The following ARSB variants were observed in gnomAD, a reference collection of about 807,000 sequenced individuals.
ARSB encodes the protein arylsulfatase B.
In ARSB, 41 loss-of-function variants were observed where a neutral mutation model predicts 50.9. That is an observed-to-expected ratio of 0.81 (90% CI 0.63 to 1.04). ARSB has a LOEUF of 1.04. ARSB is among the 50% of genes least tolerant of loss of function. The pLI is 0.00. For missense variants in ARSB, 672 were observed against 693.3 expected (o/e 0.97, Z 0.35); for synonymous variants, 269 against 284.8 (o/e 0.94, Z 0.56).
chr5:78,791,258 T>G (rs556211215), intron 6 of ARSB, among the ~76,000 whole-genome samples: 20 of 152,376 alleles, frequency 1.3e-4, no homozygotes, highest in African/African-American at 4.3e-4. Flanking sequence ...ATGTTTTTAA[T>G]GTACAGGCAA....
chr5:78,908,399 G>A (rs1749160290), intron 4 of ARSB, among the ~76,000 whole-genome samples: 1 of 94,720 alleles, frequency 1.1e-5, no homozygotes, highest in African/African-American at 3.4e-5. Context: ...GGATACAGCT[G>A]GGAAAGATTT....
intron 4 of ARSB, among the ~76,000 whole-genome samples, chr5:78,926,647 C>G (rs570891702): frequency 1.3e-5 from 2 of 152,340 alleles, no homozygotes; most frequent in African/African-American, 4.8e-5. Flanking sequence ...TAAACAGACA[C>G]AGCTTTTGCC....
At chr5:78,802,877 T>G (rs1463511147) in intron 6 of ARSB, among the ~76,000 whole-genome samples, 1 of 152,226 alleles carries the variant, frequency 6.6e-6, no homozygotes, top group Non-Finnish European at 1.5e-5. Flanking sequence ...TCAAAGTCTT[T>G]AAATTTGTGG....
At chr5:78,880,196 T>C (rs1747684804) in intron 5 of ARSB, among the ~76,000 whole-genome samples, 1 of 152,204 alleles carries the variant, frequency 6.6e-6, no homozygotes, top group African/African-American at 2.4e-5. Context: ...CCAATTTCTC[T>C]GCAGTCAGAA....
rs532865044 is a variant in ARSB, at chr5:78,925,816, C to G, written c.898+29479G>C. ...TTCCCTGTGTTTATTTCCCGATTTA[C>G]AAAACGGTGATAATTATTTCTAACC... On this transcript the variant is annotated intron_variant, in intron 4 of 7. Coordinates refer to ENST00000264914, the MANE Select transcript of ARSB (RefSeq NM_000046.5). 2.6e-5 allele frequency among the ~76,000 whole-genome samples: 4 copies of G among 152,224 alleles called. No homozygotes were observed. In the East Asian group the frequency reaches 7.7e-4, roughly 29 times the overall value.
At chr5:78,952,753 C>T (rs898101712) in intron 4 of ARSB, among the ~76,000 whole-genome samples, 22 of 152,194 alleles carry the variant, frequency 1.4e-4, no homozygotes. Context: ...ACGTACAATA[C>T]ATTAATCCAT....
intron 6 of ARSB, among the ~76,000 whole-genome samples, chr5:78,837,268 T>C (rs933173240): frequency 2.0e-5 from 3 of 152,216 alleles, no homozygotes; most frequent in African/African-American, 7.2e-5. Flanking sequence ...ATATTCCACA[T>C]ATCCCCTAGA....
chr5:78,865,461 T>G (rs2112119076), intron 5 of ARSB, among the ~76,000 whole-genome samples: 1 of 152,214 alleles, frequency 6.6e-6, no homozygotes, highest in African/African-American at 2.4e-5. Context: ...CTGAAACCAC[T>G]TTTTGCTCCT....
chr5:78,788,968 T>C (rs980541788), intron 6 of ARSB, among the ~76,000 whole-genome samples: 7 of 152,100 alleles, frequency 4.6e-5, no homozygotes, highest in Non-Finnish European at 8.8e-5. Flanking sequence ...ATGGCTAATA[T>C]ATATAGTTTG....
intron 6 of ARSB, among the ~76,000 whole-genome samples, chr5:78,794,131 T>A (rs901796170): frequency 3.3e-5 from 5 of 152,174 alleles, no homozygotes; most frequent in Non-Finnish European, 5.9e-5. Context: ...GGAATCAATC[T>A]CATCCTGTAG....
At chr5:78,782,432 T>C (rs997173215) in intron 6 of ARSB, among the ~76,000 whole-genome samples, 1 of 152,226 alleles carries the variant, frequency 6.6e-6, no homozygotes, top group Non-Finnish European at 1.5e-5. Flanking sequence ...CATGCCATGA[T>C]AGAGTACAAA....
At chr5:78,852,885 C>T (rs1353081093) in intron 5 of ARSB, among the ~76,000 whole-genome samples, 6 of 152,130 alleles carry the variant, frequency 3.9e-5, no homozygotes, top group Non-Finnish European at 7.4e-5. Context: ...ATGTAGTTCT[C>T]GAGCCTTGGC....
intron 6 of ARSB, among the ~76,000 whole-genome samples, chr5:78,837,709 G>C (rs1468686433): frequency 2.6e-5 from 4 of 152,030 alleles, no homozygotes; most frequent in Non-Finnish European, 5.9e-5. Flanking sequence ...ATAATACATA[G>C]GTGTACTAAG....
intron 4 of ARSB, among the ~76,000 whole-genome samples, chr5:78,923,829 T>A (rs1749933745): frequency 6.6e-6 from 1 of 152,214 alleles, no homozygotes; most frequent in African/African-American, 2.4e-5. Flanking sequence ...ACTGACAGCT[T>A]CATGTTGAGT....
intron 6 of ARSB, among the ~76,000 whole-genome samples, chr5:78,794,659 G>A (rs149579212): frequency 4.5e-4 from 68 of 152,282 alleles, no homozygotes; most frequent in African/African-American, 1.6e-3. Context: ...CAGGATATTC[G>A]GGGAGTATTT....
chr5:78,842,258 T>A (rs1370448148), intron 5 of ARSB, among the ~76,000 whole-genome samples: 1 of 152,054 alleles, frequency 6.6e-6, no homozygotes, highest in Non-Finnish European at 1.5e-5. Context: ...GAAACGGAGC[T>A]TGTCGGAAGG....
At chr5:78,871,171 C>G (rs944369860) in intron 5 of ARSB, among the ~76,000 whole-genome samples, 2 of 150,648 alleles carry the variant, frequency 1.3e-5, no homozygotes, top group East Asian at 2.0e-4. Context: ...AAAGAGGATA[C>G]AAACAAATGG....
chr5:78,836,059 T>C (rs1303631705), intron 6 of ARSB, among the ~76,000 whole-genome samples: 1 of 152,188 alleles, frequency 6.6e-6, no homozygotes, highest in Admixed American at 6.5e-5. Context: ...GTCCCCTAAG[T>C]ACATGTTTTT....
intron 3 of ARSB, among the ~76,000 whole-genome samples, chr5:78,962,641 C>G (rs1009565882): frequency 6.6e-6 from 1 of 150,900 alleles, no homozygotes; most frequent in Non-Finnish European, 1.5e-5. Context: ...CATTCTCCTG[C>G]CTCAACCTCC....
Sources: gnomAD v4.1 joint callset for allele counts (sites outside exome capture counted in the v4.1 genomes callset) on GRCh38, gnomAD v4.1.1 for gene constraint, MANE v1.5 for transcripts, NCBI Gene and HGNC (gene_info 2026-07-23, HGNC 2026-07-21) for gene names.